MYO16: variants seen among roughly 807,000 people sequenced by gnomAD.
The protein encoded by MYO16 is myosin XVI.
A neutral mutation model predicts 205.3 loss-of-function variants in MYO16; 94 were observed. The observed-to-expected ratio is 0.46, with a 90% CI of 0.39 to 0.54. The LOEUF (loss-of-function observed/expected upper bound fraction) is 0.54, where lower values mean the gene tolerates loss of function less well. MYO16 is among the 20% of genes least tolerant of loss of function. The pLI, the probability that MYO16 is intolerant of heterozygous loss-of-function variation, is 0.00. For missense variants in MYO16, 2,315 were observed against 2,387.5 expected (o/e 0.97, Z 0.63); for synonymous variants, 988 against 954.0 (o/e 1.04, Z -0.66).
intron 27 of MYO16, among the ~76,000 whole-genome samples, chr13:109,067,160 C>T (rs1298976469): frequency 1.3e-5 from 2 of 152,220 alleles, no homozygotes; most frequent in African/African-American, 4.8e-5. Flanking sequence ...ACACTCTTCA[C>T]TGTATACTCA....
At chr13:108,764,564 T>C (rs1231814669) in intron 4 of MYO16, among the ~76,000 whole-genome samples, 2 of 152,122 alleles carry the variant, frequency 1.3e-5, no homozygotes, top group African/African-American at 2.4e-5. Flanking sequence ...TACTTACCTG[T>C]GGTACGTATC....
intron 23 of MYO16, among the ~76,000 whole-genome samples, chr13:109,026,261 T>C (rs1205105378): frequency 1.3e-5 from 2 of 152,100 alleles, no homozygotes; most frequent in African/African-American, 4.8e-5. Context: ...TTACAGATCT[T>C]GAGATGAGGA....
the MYO16 span, among the ~76,000 whole-genome samples, chr13:108,546,240 C>A: frequency 6.6e-6 from 1 of 152,212 alleles, no homozygotes; most frequent in African/African-American, 2.4e-5. Flanking sequence ...ATAGCTGCTT[C>A]TGCCAGAGGC....
At chr13:108,855,867 CTT>C (rs965648874) in intron 11 of MYO16, among the ~76,000 whole-genome samples, 65 of 152,212 alleles carry the variant, frequency 4.3e-4, no homozygotes, top group Non-Finnish European at 3.5e-4. Flanking sequence ...CTGCACATGA[CTT>C]ATAAAATTGC....
intron 16 of MYO16, among the ~76,000 whole-genome samples, chr13:108,934,653 T>A (rs1200098208): frequency 1.3e-5 from 2 of 152,204 alleles, no homozygotes; most frequent in Non-Finnish European, 2.9e-5. Flanking sequence ...TTTTGAGGAT[T>A]TAATCATAAA....
chr13:109,117,128 A>AC (rs78726256), intron 28 of MYO16, among the ~76,000 whole-genome samples: 33,012 of 151,836 alleles, frequency 0.22, 4,281 homozygotes, highest in East Asian at 0.6. Flanking sequence ...TCTGTGACTT[A>AC]TTCTGGATTG....
intron 1 of MYO16, among the ~76,000 whole-genome samples, chr13:108,624,266 G>A (rs1006693913): frequency 6.6e-6 from 1 of 152,168 alleles, no homozygotes; most frequent in African/African-American, 2.4e-5. Flanking sequence ...TGGTGTCCCA[G>A]CTGTCTTATT....
intron 23 of MYO16, among the ~76,000 whole-genome samples, chr13:109,034,329 C>A (rs778453456): frequency 5.9e-5 from 9 of 152,250 alleles, no homozygotes; most frequent in Non-Finnish European, 1.2e-4. Flanking sequence ...AAGGAGAGAC[C>A]AGGTGGAGGT....
chr13:108,873,102 C>T (rs754218130), intron 12 of MYO16, among the ~76,000 whole-genome samples: 6 of 152,134 alleles, frequency 3.9e-5, no homozygotes, highest in Non-Finnish European at 8.8e-5. Context: ...TGTCCTCAGG[C>T]CACACAACAA....
intron 1 of MYO16, among the ~76,000 whole-genome samples, chr13:108,665,270 T>C (rs1013653): frequency 6.6e-6 from 1 of 151,922 alleles, no homozygotes; most frequent in Non-Finnish European, 1.5e-5. Context: ...TTATTTATTA[T>C]TTATTTATTT....
chr13:109,062,069 G>C (rs1175569866), intron 27 of MYO16, among the ~76,000 whole-genome samples: 1 of 150,834 alleles, frequency 6.6e-6, no homozygotes, highest in Non-Finnish European at 1.5e-5. Flanking sequence ...CCCCAGAAGA[G>C]AGTGGAGGGA....
intron 4 of MYO16, among the ~76,000 whole-genome samples, chr13:108,784,727 G>A (rs189520832): frequency 7.6e-4 from 115 of 152,252 alleles, no homozygotes; most frequent in African/African-American, 2.5e-3. Context: ...TAAAAGGAAC[G>A]GGGAAAACTT....
intron 2 of MYO16, among the ~76,000 whole-genome samples, chr13:108,675,172 A>G (rs1882147142): frequency 1.3e-5 from 2 of 152,168 alleles, no homozygotes; most frequent in Non-Finnish European, 2.9e-5. Context: ...CAAAAGAATG[A>G]CTTCTGGATT....
intron 34 of MYO16, among the ~76,000 whole-genome samples, chr13:109,187,143 A>C (rs1879721510): frequency 6.6e-6 from 1 of 152,166 alleles, no homozygotes; most frequent in African/African-American, 2.4e-5. Flanking sequence ...CAGACTTGTT[A>C]ATCCAAATAC....
At chr13:108,877,954 C>T (rs1399684386) in intron 12 of MYO16, among the ~76,000 whole-genome samples, 1 of 152,172 alleles carries the variant, frequency 6.6e-6, no homozygotes, top group Non-Finnish European at 1.5e-5. Flanking sequence ...CTTTGCTGCT[C>T]ATATCTGGGA....
chr13:108,680,878 A>G (rs1882433392), intron 2 of MYO16, among the ~76,000 whole-genome samples: 1 of 152,194 alleles, frequency 6.6e-6, no homozygotes, highest in Admixed American at 6.5e-5. Context: ...GCATTTGTGT[A>G]GTGACTTCTT....
At chr13:109,155,497 T>A (rs147854027) in intron 32 of MYO16, among the ~76,000 whole-genome samples, 7 of 152,266 alleles carry the variant, frequency 4.6e-5, no homozygotes, top group Middle Eastern at 3.4e-3. Context: ...ACGCAACCTT[T>A]CCAAGGTCTG....
intron 3 of MYO16, among the ~76,000 whole-genome samples, chr13:108,721,888 C>G (rs1884178039): frequency 6.6e-6 from 1 of 152,084 alleles, no homozygotes; most frequent in African/African-American, 2.4e-5. Context: ...GGGGAGTAAT[C>G]TGTGGCCATG....
chr13:109,064,476 T>C (rs1887682463), intron 27 of MYO16, among the ~76,000 whole-genome samples: 1 of 152,192 alleles, frequency 6.6e-6, no homozygotes, highest in Admixed American at 6.5e-5. Flanking sequence ...GTTCCACCAA[T>C]ATGTTCTGTA....
Sources: gnomAD v4.1 joint callset for allele counts (sites outside exome capture counted in the v4.1 genomes callset) on GRCh38, gnomAD v4.1.1 for gene constraint, MANE v1.5 for transcripts, NCBI Gene and HGNC (gene_info 2026-07-23, HGNC 2026-07-21) for gene names.